MARCHF1: variants seen among roughly 807,000 people sequenced by gnomAD.
MARCHF1 encodes the protein E3 ubiquitin-protein ligase MARCHF1.
MARCHF1 carries 40 observed loss-of-function variants against 54.2 expected under a neutral mutation model. That is an observed-to-expected ratio of 0.74 (90% confidence interval 0.57 to 0.96). MARCHF1 has a LOEUF of 0.96. Ranked by LOEUF, MARCHF1 falls within the 40% of genes least tolerant of loss-of-function variation. The pLI is 0.00. For missense variants in MARCHF1, 586 were observed against 656.5 expected (o/e 0.89, Z 1.17); for synonymous variants, 236 against 236.3 (o/e 1.00, Z 0.01).
intron 5 of MARCHF1, among the ~76,000 whole-genome samples, chr4:163,629,836 A>AAATGG (rs1201379853): frequency 6.6e-6 from 1 of 152,188 alleles, no homozygotes; most frequent in Non-Finnish European, 1.5e-5. Flanking sequence ...TATAATTAAA[A>AAATGG]AATGGATTTC....
chr4:163,703,941 G>A (rs563532657), intron 4 of MARCHF1, among the ~76,000 whole-genome samples: 4 of 151,898 alleles, frequency 2.6e-5, no homozygotes, highest in African/African-American at 9.6e-5. Context: ...TTGTTTTAAC[G>A]AATTTTTAAT....
chr4:163,863,671 C>T (rs1027290044), intron 3 of MARCHF1, among the ~76,000 whole-genome samples: 1 of 151,920 alleles, frequency 6.6e-6, no homozygotes, highest in Non-Finnish European at 1.5e-5. Flanking sequence ...AACAATGATA[C>T]CCTAGTGGCA....
chr4:163,581,793 T>C (rs145836682), intron 8 of MARCHF1, among the ~76,000 whole-genome samples: 1 of 152,226 alleles, frequency 6.6e-6, no homozygotes, highest in Non-Finnish European at 1.5e-5. Context: ...TTATATTCTA[T>C]GAACTTTCCA....
intron 5 of MARCHF1, among the ~76,000 whole-genome samples, chr4:163,696,546 C>T (rs933272477): frequency 2.4e-4 from 36 of 152,244 alleles, no homozygotes; most frequent in Middle Eastern, 3.4e-3. Flanking sequence ...AGCTGTCAAA[C>T]TCATTGAGCT....
At chr4:164,014,081 A>G (rs527707854) in intron 2 of MARCHF1, among the ~76,000 whole-genome samples, 1 of 152,110 alleles carries the variant, frequency 6.6e-6, no homozygotes, top group Admixed American at 6.6e-5. Context: ...ACTCCCAGCT[A>G]CTTGGGAGGC....
Position 164,148,127 on chromosome 4 carries a change from G to A in MARCHF1, c.-322-36465C>T, listed in dbSNP as rs114449282. On this transcript the variant is annotated intron_variant, in intron 1 of 9. Transcript: ENST00000514618. ...TCTCCAGTTGTGATGATCATGAACC[G>A]TGGTTTAAAAAAATAACACACACAC... Among the ~76,000 whole-genome samples the A allele has an allele frequency of 6.6e-3, 906 of 137,642 alleles. 9 individuals carry two copies. The highest frequency in any genetic ancestry group is 0.023 in the African/African-American group (856 of 37,018). The allele number at this position is 137,642 out of a possible 152,430, so 90.3% of individuals were successfully genotyped here.
chr4:163,919,416 A>G (rs1751376465), intron 3 of MARCHF1, among the ~76,000 whole-genome samples: 1 of 151,972 alleles, frequency 6.6e-6, no homozygotes, highest in African/African-American at 2.4e-5. Context: ...ACTGAAAATT[A>G]TAAGTTAACA....
intron 3 of MARCHF1, among the ~76,000 whole-genome samples, chr4:163,876,611 G>C (rs1324085353): frequency 6.7e-6 from 1 of 148,472 alleles, no homozygotes; most frequent in Non-Finnish European, 1.5e-5. Flanking sequence ...ACAGGATCAA[G>C]GTAAGGCACA....
chr4:163,787,414 A>T (rs1747653516), intron 4 of MARCHF1, among the ~76,000 whole-genome samples: 1 of 151,900 alleles, frequency 6.6e-6, no homozygotes, highest in Non-Finnish European at 1.5e-5. Flanking sequence ...TTGGCAAAGG[A>T]TCTGAATAGA....
At chr4:163,573,992 A>C (rs1418112935) in intron 8 of MARCHF1, among the ~76,000 whole-genome samples, 3 of 151,750 alleles carry the variant, frequency 2.0e-5, no homozygotes, top group African/African-American at 7.3e-5. Context: ...CTGACTTTTT[A>C]ATGATTGCCA....
chr4:163,927,397 T>G (rs569782835), intron 3 of MARCHF1, among the ~76,000 whole-genome samples: 2 of 151,832 alleles, frequency 1.3e-5, no homozygotes, highest in South Asian at 4.1e-4. Context: ...AAATTTAACG[T>G]GGGAATTTTG....
At chr4:163,639,184 T>G (rs1323950033) in intron 5 of MARCHF1, among the ~76,000 whole-genome samples, 2 of 152,186 alleles carry the variant, frequency 1.3e-5, no homozygotes, top group Non-Finnish European at 2.9e-5. Flanking sequence ...TATGTGTATT[T>G]AACCACAAAT....
At chr4:164,296,134 A>C (rs1734404394) in intron 1 of MARCHF1, among the ~76,000 whole-genome samples, 2 of 152,326 alleles carry the variant, frequency 1.3e-5, no homozygotes, top group African/African-American at 4.8e-5. Context: ...ATTTACCTTA[A>C]CTTAAAAAGT....
chr4:164,004,727 A>C (rs576375754), intron 2 of MARCHF1, among the ~76,000 whole-genome samples: 42 of 152,208 alleles, frequency 2.8e-4, no homozygotes, highest in Non-Finnish European at 5.7e-4. Flanking sequence ...AAGTCAAGTA[A>C]TGTCTTTAAA....
rs1051969832 is a variant in MARCHF1, at chr4:164,086,594, T to C, written c.-248+24994A>G. Among the ~76,000 whole-genome samples, 21 of 152,034 alleles carry C rather than the reference T, an allele frequency of 1.4e-4. 1 individual carries two copies. The highest frequency in any genetic ancestry group is 1.5e-5 in the Non-Finnish European group (1 of 67,890). ...CATATTAAGGACTCAAATGTTCAGATTGGTAGGACCACATATCCAAAATTG... is the reference window on the plus strand; with the variant it reads ...CATATTAAGGACTCAAATGTTCAGACTGGTAGGACCACATATCCAAAATTG... On this transcript the variant is annotated intron_variant, in intron 2 of 9. Coordinates refer to ENST00000514618, the MANE Select transcript of MARCHF1 (RefSeq NM_001394959.1).
chr4:163,626,014 G>A (rs1283363355), intron 5 of MARCHF1, among the ~76,000 whole-genome samples: 1 of 152,152 alleles, frequency 6.6e-6, no homozygotes, highest in Non-Finnish European at 1.5e-5. Context: ...ATGGGGCTGG[G>A]AAGGGAAAAA....
chr4:163,845,060 T>A (rs1749446201), intron 4 of MARCHF1, among the ~76,000 whole-genome samples: 1 of 152,192 alleles, frequency 6.6e-6, no homozygotes, highest in South Asian at 2.1e-4. Flanking sequence ...TCTCTCTGTA[T>A]AAGGAGAAGA....
At position 164,189,484 on chromosome 4, in the gene MARCHF1, A is replaced by G. The variant is rs551844223; in HGVS notation, c.-322-77822T>C. Reference sequence around the variant, plus strand: ...TGGTGGCTCTACTCGAATTCCAAAGATTCAGCAACTGGTTAAAAAGTCCTT... The same window carrying G: ...TGGTGGCTCTACTCGAATTCCAAAGGTTCAGCAACTGGTTAAAAAGTCCTT... On this transcript the variant is annotated intron_variant, in intron 1 of 9. Transcript: ENST00000514618. 5.5e-5 allele frequency: 40 copies of G among 721,468 alleles called. No homozygotes were observed. In the African/African-American group the frequency reaches 6.3e-4, roughly 11 times the overall value. The allele number at this position is 721,468 out of a possible 1,614,324, so 44.7% of individuals were successfully genotyped here.
chr4:164,047,896 C>T (rs1754275614), intron 2 of MARCHF1, among the ~76,000 whole-genome samples: 1 of 152,172 alleles, frequency 6.6e-6, no homozygotes, highest in African/African-American at 2.4e-5. Flanking sequence ...TCCTCATTTC[C>T]CAATTTTGAT....
Sources: gnomAD v4.1 joint callset for allele counts (sites outside exome capture counted in the v4.1 genomes callset) on GRCh38, gnomAD v4.1.1 for gene constraint, MANE v1.5 for transcripts, NCBI Gene and HGNC (gene_info 2026-07-23, HGNC 2026-07-21) for gene names.